MLLT10: variants seen among roughly 807,000 people sequenced by gnomAD.
MLLT10 encodes MLLT10 histone lysine methyltransferase DOT1L cofactor.
A neutral mutation model predicts 129.1 loss-of-function variants in MLLT10; 30 were observed. That is an observed-to-expected ratio of 0.23 (90% CI 0.17 to 0.32). MLLT10 has a LOEUF of 0.32. Ranked by LOEUF, MLLT10 falls within the 10% of genes least tolerant of loss-of-function variation. The pLI, the probability that MLLT10 is intolerant of heterozygous loss-of-function variation, is 1.00. For synonymous variants in MLLT10, 490 were observed against 446.4 expected (o/e 1.10, Z -1.23); for missense variants, 1,119 against 1,268.3 (o/e 0.88, Z 1.79).
At chr10:21,576,516 G>A (rs931275148) in intron 3 of MLLT10, among the ~76,000 whole-genome samples, 1 of 152,062 alleles carries the variant, frequency 6.6e-6, no homozygotes, top group Non-Finnish European at 1.5e-5. Flanking sequence ...TGGGATTACA[G>A]GTGTGAGCCA....
Position 21,733,011 on chromosome 10 carries a change from G to C in MLLT10, c.2331G>C (p.Gln777His). 1.9e-6 allele frequency: 3 copies of C among 1,613,880 alleles called. No homozygotes were observed. The South Asian group carries it at 3.3e-5, about 18-fold the overall frequency. ...KKERLQLLNA[Q>H]LSVPFPTITA... is the part of the protein sequence containing the mutation. ...AACGGCTTCAGTTATTGAATGCACA[G>C]CTTTCAGTGCCTTTTCCAACAATAA... Residue 777 changes from glutamine to histidine, a missense_variant, in exon 18 of 23, where the codon CAG (glutamine) becomes CAC (histidine). Transcript: ENST00000307729.
chr10:21,628,189 T>C (rs2046640193), intron 8 of MLLT10, among the ~76,000 whole-genome samples: 1 of 152,182 alleles, frequency 6.6e-6, no homozygotes, highest in Non-Finnish European at 1.5e-5. Flanking sequence ...GGTTTTATTG[T>C]ATGGGAACAT....
At chr10:21,609,000 T>G (rs374217629) in intron 5 of MLLT10, among the ~76,000 whole-genome samples, 1 of 152,244 alleles carries the variant, frequency 6.6e-6, no homozygotes, top group Non-Finnish European at 1.5e-5. Context: ...CCTGTGTGTC[T>G]TACTGTTGTT....
At position 21,642,215 on chromosome 10, in the gene MLLT10, T is replaced by A. The variant is rs931263910; in HGVS notation, c.700-9458T>A. 3.3e-5 allele frequency among the ~76,000 whole-genome samples: 5 copies of A among 151,094 alleles called. No homozygotes were observed. The South Asian group carries it at 8.4e-4, about 25-fold the overall frequency. ...AAAATAACAAAAAATTAGCCAGACGTGGTGGCGGACGCCTGTAATCCCAGC... is the reference window on the plus strand; with the variant it reads ...AAAATAACAAAAAATTAGCCAGACGAGGTGGCGGACGCCTGTAATCCCAGC... On this transcript the variant is annotated intron_variant, in intron 8 of 22. Transcript: ENST00000307729.
intron 5 of MLLT10, among the ~76,000 whole-genome samples, chr10:21,605,568 G>T (rs913363640): frequency 6.6e-6 from 1 of 151,804 alleles, no homozygotes; most frequent in Non-Finnish European, 1.5e-5. Context: ...GCTCAGCCTC[G>T]CAAGCAGCAG....
chr10:21,701,707 C>A (rs1337001377), intron 13 of MLLT10, among the ~76,000 whole-genome samples: 1 of 152,056 alleles, frequency 6.6e-6, no homozygotes, highest in Non-Finnish European at 1.5e-5. Flanking sequence ...CTGCCTCAGC[C>A]TCCTGAGTAG....
intron 3 of MLLT10, among the ~76,000 whole-genome samples, chr10:21,553,243 C>A (rs2130959663): frequency 6.6e-6 from 1 of 152,148 alleles, no homozygotes; most frequent in South Asian, 2.1e-4. Flanking sequence ...GGTTGGAAAT[C>A]ATTTTCCGTC....
chr10:21,660,287 T>C (rs887181153), intron 9 of MLLT10, among the ~76,000 whole-genome samples: 5 of 149,874 alleles, frequency 3.3e-5, no homozygotes, highest in African/African-American at 1.2e-4. Flanking sequence ...TTTGTTTGCT[T>C]ACATTGGGCT....
chr10:21,672,760 A>T (rs760277947), intron 10 of MLLT10, among the ~76,000 whole-genome samples: 2 of 152,318 alleles, frequency 1.3e-5, no homozygotes, highest in South Asian at 4.1e-4. Flanking sequence ...TATTTTGTCA[A>T]ATCCATTTTC....
Position 21,534,516 on chromosome 10 carries a change from C to A in MLLT10, c.-5C>A. The A allele has an allele frequency of 9.8e-7, 1 of 1,021,224 alleles. No individual in the cohort carries two copies. Among genetic ancestry groups the A allele is most frequent in the Non-Finnish European group, 1.4e-6 (1 of 713,692 alleles). The allele number at this position is 1,021,224 out of a possible 1,614,324, so 63.3% of individuals were successfully genotyped here. A position where few individuals can be genotyped will look rare whatever the true frequency, so the allele number is the denominator to read the frequency against. On this transcript the variant is annotated 5_prime_UTR_variant, in exon 1 of 23. Coordinates refer to ENST00000307729, the MANE Select transcript of MLLT10 (RefSeq NM_001195626.3). ...GAACGTGAGTGACTGAGCGGCAAAGCCCGAGTGAGCGAGCGGTGGGCTGCC... is the reference window on the plus strand; with the variant it reads ...GAACGTGAGTGACTGAGCGGCAAAGACCGAGTGAGCGAGCGGTGGGCTGCC...
rs1554774991 is a variant in MLLT10 at position 21,534,317 on chromosome 10, C to CCT, written c.-203_-202insTC. On this transcript the variant is annotated 5_prime_UTR_variant, in exon 1 of 23. Transcript: ENST00000307729. ...CTGGCCCAGCGGGAGCCCCCCCTCC[C>CCT]CCCAGTGCGCCTGTGCGGAGGCCCT... 2.5e-6 allele frequency: 1 copy of CCT among 394,976 alleles called. No individual in the cohort carries two copies. Among genetic ancestry groups the CCT allele is most frequent in the Non-Finnish European group, 4.5e-6 (1 of 222,500 alleles). The allele number at this position is 394,976 out of a possible 1,614,324, so 24.5% of individuals were successfully genotyped here.
At chr10:21,734,731 G>A (rs779395822) in intron 20 of MLLT10, among the ~76,000 whole-genome samples, 1 of 152,094 alleles carries the variant, frequency 6.6e-6, no homozygotes, top group Non-Finnish European at 1.5e-5. Flanking sequence ...TTTTACCATT[G>A]GGACCATTAG....
intron 3 of MLLT10, chr10:21,551,709 A>G (rs1338971295): frequency 6.0e-6 from 2 of 332,328 alleles, no homozygotes; most frequent in Non-Finnish European, 1.1e-5. Flanking sequence ...ACTTTGATAA[A>G]TTGCCTAGCA....
chr10:21,719,093 T>G (rs2056956836), intron 14 of MLLT10, among the ~76,000 whole-genome samples: 1 of 152,230 alleles, frequency 6.6e-6, no homozygotes. Context: ...TTCATCTCAA[T>G]TAGCTTCGAA....
chr10:21,743,343 G>A lies in MLLT10; in HGVS notation c.*1360G>A, dbSNP rs1336078145. 4 of 216,430 alleles carry A rather than the reference G, an allele frequency of 1.8e-5. No individual in the cohort carries two copies. Among genetic ancestry groups the A allele is most frequent in the Non-Finnish European group, 3.7e-5 (4 of 107,312 alleles). The allele number at this position is 216,430 out of a possible 1,614,324, so 13.4% of individuals were successfully genotyped here. ...GTTTTGTATTGTGACAAATTCATAA[G>A]ATAACATTGATATTTTGATTTGTAA... is the stretch of plus-strand genomic sequence containing the variant. On this transcript the variant is annotated 3_prime_UTR_variant, in exon 23 of 23. Transcript: ENST00000307729.
chr10:21,716,807 T>C (rs1323883486), intron 14 of MLLT10, among the ~76,000 whole-genome samples: 3 of 152,148 alleles, frequency 2.0e-5, no homozygotes, highest in Non-Finnish European at 2.9e-5. Flanking sequence ...ATATTAAACT[T>C]GAATAACATT....
At chr10:21,683,272 CTT>C (rs1429656374) in intron 13 of MLLT10, among the ~76,000 whole-genome samples, 1 of 151,976 alleles carries the variant, frequency 6.6e-6, no homozygotes, top group Non-Finnish European at 1.5e-5. Context: ...ATTCATAATT[CTT>C]GTCTCCCTAT....
intron 3 of MLLT10, among the ~76,000 whole-genome samples, chr10:21,559,528 T>G (rs546832357): frequency 5.9e-5 from 9 of 152,350 alleles, no homozygotes; most frequent in Admixed American, 5.9e-4. Flanking sequence ...TTAGTGGCAT[T>G]AAGTACATTC....
chr10:21,740,261 C>CTAAT (rs1327425364), intron 22 of MLLT10, 25 bp downstream of exon 22: 1 of 1,601,714 alleles, frequency 6.2e-7, no homozygotes, highest in Non-Finnish European at 8.6e-7. Context: ...CTTACTACAT[C>CTAAT]TAATGAAACA....
Sources: gnomAD v4.1 joint callset for allele counts (sites outside exome capture counted in the v4.1 genomes callset) on GRCh38, gnomAD v4.1.1 for gene constraint, MANE v1.5 for transcripts, NCBI Gene and HGNC (gene_info 2026-07-23, HGNC 2026-07-21) for gene names.